Variants in EYS observed in about 807,000 individuals in gnomAD.
EYS encodes EGF-like photoreceptor maintenance factor, also known as protein eyes shut homolog.
EYS carries 250 observed loss-of-function variants against 282.1 expected under a neutral mutation model. The observed-to-expected ratio is 0.89, with a 90% CI of 0.80 to 0.98. EYS has a LOEUF of 0.98. EYS is among the 50% of genes least tolerant of loss of function. The pLI is 0.00. For missense variants in EYS, 4,016 were observed against 3,709.0 expected (o/e 1.08, Z -2.15); for synonymous variants, 1,355 against 1,282.9 (o/e 1.06, Z -1.20).
intron 1 of EYS, among the ~76,000 whole-genome samples, chr6:65,683,245 G>A (rs1234438633): frequency 2.0e-5 from 3 of 151,966 alleles, no homozygotes; most frequent in South Asian, 2.1e-4. Flanking sequence ...TAGTTTTAAT[G>A]TCAGCACATC....
chr6:64,301,240 T>C (rs9444710), intron 30 of EYS, among the ~76,000 whole-genome samples: 114,451 of 152,162 alleles, frequency 0.75, 43,652 homozygotes, highest in African/African-American at 0.89. Context: ...TAACTGGCTT[T>C]GGCCCACCTT....
intron 13 of EYS, among the ~76,000 whole-genome samples, chr6:65,031,142 T>TA (rs1772589762): frequency 8.0e-6 from 1 of 124,490 alleles, no homozygotes; most frequent in African/African-American, 3.3e-5. Context: ...TATTTTATAT[T>TA]TTATATATAT....
intron 30 of EYS, among the ~76,000 whole-genome samples, chr6:64,259,650 G>GCGCACACA (rs140354088): frequency 0.026 from 3,748 of 145,636 alleles, 74 homozygotes; most frequent in South Asian, 0.042. Flanking sequence ...TTACACACGC[G>GCGCACACA]CACACACACA....
intron 26 of EYS, among the ~76,000 whole-genome samples, chr6:64,470,619 T>C (rs1048270376): frequency 6.6e-6 from 1 of 152,152 alleles, no homozygotes; most frequent in Non-Finnish European, 1.5e-5. Context: ...AAAAGTCTCA[T>C]AATGTTTTAA....
At chr6:64,812,082 T>C (rs779120367) in intron 22 of EYS, among the ~76,000 whole-genome samples, 2 of 152,120 alleles carry the variant, frequency 1.3e-5, no homozygotes, top group African/African-American at 4.8e-5. Flanking sequence ...TATTAGGTTA[T>C]AACCCTGAGA....
chr6:64,119,194 C>T (rs911025813), intron 31 of EYS, among the ~76,000 whole-genome samples: 4 of 151,984 alleles, frequency 2.6e-5, no homozygotes, highest in East Asian at 3.9e-4. Flanking sequence ...TGTTCAGTGA[C>T]GGGTTTCTCA....
chr6:64,911,902 T>C (rs1768005414), intron 16 of EYS, among the ~76,000 whole-genome samples: 1 of 152,128 alleles, frequency 6.6e-6, no homozygotes, highest in South Asian at 2.1e-4. Flanking sequence ...TTGGCTGATA[T>C]GACCCAGAAA....
chr6:65,077,715 C>T (rs1041661903), intron 12 of EYS, among the ~76,000 whole-genome samples: 1 of 151,964 alleles, frequency 6.6e-6, no homozygotes, highest in Non-Finnish European at 1.5e-5. Flanking sequence ...AGATAGATAA[C>T]AGAATTTCTT....
At chr6:64,234,293 C>T (rs1291043532) in intron 30 of EYS, among the ~76,000 whole-genome samples, 1 of 151,620 alleles carries the variant, frequency 6.6e-6, no homozygotes, top group African/African-American at 2.4e-5. Flanking sequence ...ATACTCTAAA[C>T]ACATACTTCA....
chr6:64,035,489 A>G (rs1770070809), intron 33 of EYS, among the ~76,000 whole-genome samples: 1 of 152,204 alleles, frequency 6.6e-6, no homozygotes, highest in Admixed American at 6.5e-5. Flanking sequence ...AGGAAATCAG[A>G]GCCAGGTCTT....
chr6:64,035,765 T>G (rs1322767389), intron 33 of EYS, among the ~76,000 whole-genome samples: 1 of 152,242 alleles, frequency 6.6e-6, no homozygotes, highest in East Asian at 1.9e-4. Flanking sequence ...TTTTAAAACA[T>G]TTTTCACTGC....
intron 2 of EYS, among the ~76,000 whole-genome samples, chr6:65,515,212 A>G (rs999698029): frequency 6.6e-6 from 1 of 151,546 alleles, no homozygotes; most frequent in African/African-American, 2.4e-5. Flanking sequence ...ACTGGCCATC[A>G]GAGAAATGCA....
At chr6:65,480,652 G>A (rs1208775740) in intron 5 of EYS, among the ~76,000 whole-genome samples, 1 of 151,996 alleles carries the variant, frequency 6.6e-6, no homozygotes, top group East Asian at 1.9e-4. Flanking sequence ...AGGGATAGCT[G>A]AACCCCCATA....
chr6:64,407,653 TTAGA>T (rs1243266237), intron 28 of EYS, among the ~76,000 whole-genome samples: 22 of 152,186 alleles, frequency 1.4e-4, no homozygotes, highest in Non-Finnish European at 3.2e-4. Context: ...ATTTTAAGAA[TTAGA>T]TACATACAAT....
chr6:63,838,064 A>G (rs1304959221), intron 36 of EYS, among the ~76,000 whole-genome samples: 2 of 152,110 alleles, frequency 1.3e-5, no homozygotes, highest in African/African-American at 4.8e-5. Flanking sequence ...TTTTAAATAG[A>G]TTGATAGGAA....
At chr6:63,962,049 T>C (rs1314351395) in intron 35 of EYS, among the ~76,000 whole-genome samples, 1 of 152,206 alleles carries the variant, frequency 6.6e-6, no homozygotes, top group African/African-American at 2.4e-5. Flanking sequence ...GAAAACTGGC[T>C]AGCCATATGT....
chr6:64,992,690 G>A (rs1771105834), intron 14 of EYS, among the ~76,000 whole-genome samples: 1 of 151,874 alleles, frequency 6.6e-6, no homozygotes, highest in Non-Finnish European at 1.5e-5. Context: ...TGTGTTTTGA[G>A]AATTCTGGAA....
chr6:65,699,163 A>G (rs969853402), intron 1 of EYS, among the ~76,000 whole-genome samples: 13 of 152,104 alleles, frequency 8.5e-5, no homozygotes, highest in African/African-American at 3.1e-4. Context: ...CTACTTGCAT[A>G]CGTATTCGTT....
chr6:65,209,775 C>A (rs1766127504), intron 12 of EYS, among the ~76,000 whole-genome samples: 1 of 151,884 alleles, frequency 6.6e-6, no homozygotes, highest in East Asian at 1.9e-4. Context: ...CAGGGATCAC[C>A]AATCTAAGGA....
Sources: gnomAD v4.1 joint callset for allele counts (sites outside exome capture counted in the v4.1 genomes callset) on GRCh38, gnomAD v4.1.1 for gene constraint, MANE v1.5 for transcripts, NCBI Gene and HGNC (gene_info 2026-07-23, HGNC 2026-07-21) for gene names.